CCDC63: variants seen among roughly 807,000 people sequenced by gnomAD.
The protein encoded by CCDC63 is coiled-coil domain-containing protein 63.
In CCDC63, 54 loss-of-function variants were observed where a neutral mutation model predicts 63.6. That is an observed-to-expected ratio of 0.85 (90% CI 0.68 to 1.07). CCDC63 has a LOEUF of 1.07. CCDC63 is among the 50% of genes least tolerant of loss of function. The probability of loss-of-function intolerance (pLI) is 0.00; values close to 1 mark genes in which losing one functional copy is unlikely to be tolerated. For missense variants in CCDC63, 637 were observed against 689.6 expected, an observed-to-expected ratio of 0.92 and a Z score of 0.86; for synonymous variants, 253 against 266.1, an observed-to-expected ratio of 0.95 and a Z score of 0.48.
In CCDC63 at chr12:110,858,730, A is replaced by G; in HGVS notation, c.324A>G (p.Ala108=). ...TCCAAACTAAGGAGGACTATGAGGC[A>G]TTGATTAAATCCCTGAAAGTGCTGT... ...LLLQTKEDYE[A]LIKSLKVLLA... Residue 108 remains alanine, a synonymous_variant, in exon 4 of 12, where the codon GCA becomes GCG. Transcript: ENST00000308208. 1.9e-6 allele frequency: 3 copies of G among 1,614,100 alleles called. No homozygotes were observed. The highest frequency in any genetic ancestry group is 1.7e-6 in the Non-Finnish European group (2 of 1,180,010).
chr12:110,858,546 T>C, intron 3 of CCDC63, 40 bp from the exon 4 acceptor site: 2 of 1,570,936 alleles, frequency 1.3e-6, no homozygotes, highest in Non-Finnish European at 1.7e-6. Context: ...CAAGTTAAAC[T>C]TAGGGGTTTG....
At chr12:110,867,319 C>T (rs1306491704) in intron 4 of CCDC63, among the ~76,000 whole-genome samples, 7 of 108,748 alleles carry the variant, frequency 6.4e-5, no homozygotes, top group Non-Finnish European at 1.2e-4. Flanking sequence ...CGCCCCTCAC[C>T]TCCCAGACGG....
chr12:110,870,379 G>C (rs2071048814), intron 4 of CCDC63, among the ~76,000 whole-genome samples: 1 of 152,222 alleles, frequency 6.6e-6, no homozygotes, highest in African/African-American at 2.4e-5. Flanking sequence ...ACAGCACCCA[G>C]TCCTTTATTA....
intron 4 of CCDC63, among the ~76,000 whole-genome samples, chr12:110,860,308 G>T (rs1304498353): frequency 5.9e-5 from 9 of 152,252 alleles, no homozygotes; most frequent in African/African-American, 2.2e-4. Context: ...GCAAGTGGGG[G>T]ATCCCATGGC....
At chr12:110,880,754 G>A (rs1226918053) in intron 6 of CCDC63, among the ~76,000 whole-genome samples, 9 of 36,970 alleles carry the variant, frequency 2.4e-4, no homozygotes, top group East Asian at 9.1e-4. Context: ...TGGTGATGGT[G>A]GTGATGATAG....
rs1417069045 is a variant in CCDC63, at chr12:110,880,043, C to T, written c.627C>T (p.Thr209=). The T allele has an allele frequency of 6.2e-7, 1 of 1,614,094 alleles. No individual in the cohort carries two copies. Among genetic ancestry groups the T allele is most frequent in the Non-Finnish European group, 8.5e-7 (1 of 1,180,000 alleles). The part of the protein sequence containing the change: ...LQHCLLMEKK[T]MNLAIEQSSQ... ...ACTGCCTGTTGATGGAGAAGAAAACCATGAACTTGGCCATTGAGCAATCTT... is the reference window on the plus strand; with the variant it reads ...ACTGCCTGTTGATGGAGAAGAAAACTATGAACTTGGCCATTGAGCAATCTT... The change falls in exon 6 of 12, where the codon ACC becomes ACT. Residue 209 remains threonine (T), a synonymous_variant. Transcript: ENST00000308208.
intron 4 of CCDC63, among the ~76,000 whole-genome samples, chr12:110,867,393 C>G (rs1490638304): frequency 4.8e-5 from 6 of 124,150 alleles, no homozygotes; most frequent in African/African-American, 9.5e-5. Flanking sequence ...GCTGGCCGGG[C>G]GGGGGGCTGA....
intron 4 of CCDC63, among the ~76,000 whole-genome samples, chr12:110,872,157 T>G (rs577078717): frequency 3.3e-5 from 5 of 152,222 alleles, no homozygotes; most frequent in Non-Finnish European, 7.3e-5. Context: ...GGGAACCAGA[T>G]AGTGAATATT....
At chr12:110,883,490 G>A (rs1257258302) in intron 7 of CCDC63, among the ~76,000 whole-genome samples, 2 of 152,214 alleles carry the variant, frequency 1.3e-5, no homozygotes, top group Non-Finnish European at 1.5e-5. Context: ...AGCACAGTGT[G>A]TGACTCATAG....
intron 1 of CCDC63, among the ~76,000 whole-genome samples, chr12:110,850,690 G>A (rs1427724111): frequency 6.6e-6 from 1 of 152,178 alleles, no homozygotes; most frequent in Non-Finnish European, 1.5e-5. Context: ...GCAGTGAGCC[G>A]AGATTGTGCC....
intron 4 of CCDC63, among the ~76,000 whole-genome samples, chr12:110,867,037 GGCAGAGGGGCTCCTCACCTCCCA>G (rs1314563167): frequency 7.7e-6 from 1 of 130,020 alleles, no homozygotes; most frequent in African/African-American, 3.0e-5. Context: ...CGGCTGGCCG[GGCAGAGGGGCTCCTCACCTCCCA>G]GTAGGGGCGG....
chr12:110,850,996 C>T (rs2070698587), intron 1 of CCDC63, among the ~76,000 whole-genome samples: 1 of 152,206 alleles, frequency 6.6e-6, no homozygotes, highest in Non-Finnish European at 1.5e-5. Context: ...AAGTCATCTT[C>T]TTTGTGGAGC....
chr12:110,901,532 T>C (rs1388280973), intron 10 of CCDC63, among the ~76,000 whole-genome samples: 3 of 151,722 alleles, frequency 2.0e-5, no homozygotes, highest in African/African-American at 4.8e-5. Flanking sequence ...CCAGTCTTGC[T>C]CATTCTTTCT....
At chr12:110,885,179 G>GAA (rs763360457) in intron 8 of CCDC63, among the ~76,000 whole-genome samples, 2 of 133,974 alleles carry the variant, frequency 1.5e-5, no homozygotes, top group South Asian at 2.4e-4. Flanking sequence ...ATTGTAAGAA[G>GAA]AAAAAAAAAA....
At chr12:110,877,648 C>T (rs2071147694) in intron 5 of CCDC63, among the ~76,000 whole-genome samples, 1 of 152,014 alleles carries the variant, frequency 6.6e-6, no homozygotes, top group Non-Finnish European at 1.5e-5. Flanking sequence ...CCCCTCACCC[C>T]CTCTGCCCTG....
At chr12:110,883,927 A>G in intron 7 of CCDC63, 103 bp from the exon 8 acceptor site, 1 of 919,968 alleles carries the variant, frequency 1.1e-6, no homozygotes, top group South Asian at 1.5e-5. Context: ...GGCGTGAGTC[A>G]CCATGCCTGG....
At chr12:110,902,329 A>G (rs1566141840) in intron 10 of CCDC63, among the ~76,000 whole-genome samples, 1 of 152,106 alleles carries the variant, frequency 6.6e-6, no homozygotes, top group Admixed American at 6.5e-5. Flanking sequence ...GGCCTTGCTT[A>G]TATTTCTGAT....
intron 10 of CCDC63, among the ~76,000 whole-genome samples, chr12:110,901,206 C>T (rs2071482720): frequency 6.6e-6 from 1 of 152,134 alleles, no homozygotes; most frequent in South Asian, 2.1e-4. Flanking sequence ...GTGATTCAGG[C>T]ATGCAGCGCA....
intron 4 of CCDC63, among the ~76,000 whole-genome samples, chr12:110,866,305 C>T (rs893440735): frequency 3.6e-5 from 4 of 111,304 alleles, no homozygotes; most frequent in African/African-American, 1.2e-4. Flanking sequence ...TTGCTTAAGC[C>T]ACTCTTTTTT....
Sources: gnomAD v4.1 joint callset for allele counts (sites outside exome capture counted in the v4.1 genomes callset) on GRCh38, gnomAD v4.1.1 for gene constraint, MANE v1.5 for transcripts, NCBI Gene and HGNC (gene_info 2026-07-23, HGNC 2026-07-21) for gene names.